The following NAALADL2 variants were observed in gnomAD, a reference collection of about 807,000 sequenced individuals.
NAALADL2 encodes the protein inactive N-acetylated-alpha-linked acidic dipeptidase-like protein 2.
NAALADL2 carries 76 observed loss-of-function variants against 87.2 expected under a neutral mutation model. That is an observed-to-expected ratio of 0.87 (90% CI 0.72 to 1.05). The LOEUF (loss-of-function observed/expected upper bound fraction) is 1.05. Ranked by LOEUF, NAALADL2 falls within the 50% of genes least tolerant of loss-of-function variation. The pLI is 0.00. For missense variants in NAALADL2, 1,089 were observed against 945.8 expected (o/e 1.15, Z -1.99); for synonymous variants, 354 against 331.0 (o/e 1.07, Z -0.75).
intron 3 of NAALADL2, among the ~76,000 whole-genome samples, chr3:175,252,249 C>G (rs555970798): frequency 1.3e-5 from 2 of 152,254 alleles, no homozygotes; most frequent in African/African-American, 2.4e-5. Flanking sequence ...TTTTTCAGCA[C>G]CTGTGCTCAG....
chr3:175,044,028 A>G (rs1247257094), intron 1 of NAALADL2, among the ~76,000 whole-genome samples: 1 of 152,026 alleles, frequency 6.6e-6, no homozygotes, highest in African/African-American at 2.4e-5. Context: ...CTTTTCATTT[A>G]TTTATGTCTT....
chr3:175,138,457 G>A (rs1171385942), intron 2 of NAALADL2, among the ~76,000 whole-genome samples: 1 of 151,978 alleles, frequency 6.6e-6, no homozygotes, highest in East Asian at 1.9e-4. Context: ...GTTTGGGGTA[G>A]TACAAGTAAT....
At chr3:174,629,441 A>G (rs1185044747) in intron 2 of NAALADL2, among the ~76,000 whole-genome samples, 1 of 152,188 alleles carries the variant, frequency 6.6e-6, no homozygotes, top group Non-Finnish European at 1.5e-5. Context: ...GTTCTATTTA[A>G]TTCTTCTCAG....
intron 1 of NAALADL2, among the ~76,000 whole-genome samples, chr3:174,471,349 A>G (rs1716890356): frequency 6.6e-6 from 1 of 152,066 alleles, no homozygotes; most frequent in South Asian, 2.1e-4. Context: ...TAAGCCTCCT[A>G]TGTCCTCATC....
At chr3:174,870,027 AAAAG>A (rs1485355533) in intron 1 of NAALADL2, among the ~76,000 whole-genome samples, 12 of 150,682 alleles carry the variant, frequency 8.0e-5, no homozygotes, top group African/African-American at 2.7e-4. Flanking sequence ...AAAAAAAAAA[AAAAG>A]GCTAATTATG....
At chr3:174,495,313 C>G (rs995431932) in intron 1 of NAALADL2, among the ~76,000 whole-genome samples, 59 of 148,128 alleles carry the variant, frequency 4.0e-4, no homozygotes, top group African/African-American at 1.4e-3. Context: ...GGAGGCAATT[C>G]TTGAGCAACA....
intron 2 of NAALADL2, among the ~76,000 whole-genome samples, chr3:175,169,623 G>A (rs900987783): frequency 6.6e-6 from 1 of 151,514 alleles, no homozygotes; most frequent in Non-Finnish European, 1.5e-5. Flanking sequence ...CCAATTCTGA[G>A]TTTTTATCCG....
At chr3:174,900,196 T>G (rs918235800) in intron 1 of NAALADL2, among the ~76,000 whole-genome samples, 4 of 152,074 alleles carry the variant, frequency 2.6e-5, no homozygotes, top group African/African-American at 4.8e-5. Context: ...CGTTAGAATT[T>G]TATAAACTAT....
intron 13 of NAALADL2, among the ~76,000 whole-genome samples, chr3:175,770,012 A>G (rs1285948932): frequency 1.3e-5 from 2 of 152,076 alleles, no homozygotes; most frequent in Non-Finnish European, 2.9e-5. Flanking sequence ...AACTGATTAG[A>G]TGAAGCCTAC....
At chr3:174,887,025 ACTCT>A (rs1730243795) in intron 1 of NAALADL2, among the ~76,000 whole-genome samples, 1 of 152,106 alleles carries the variant, frequency 6.6e-6, no homozygotes, top group Admixed American at 6.6e-5. Context: ...TCAAGCTATA[ACTCT>A]CTCTTCAATT....
chr3:175,465,641 T>C (rs1337537606), intron 7 of NAALADL2, among the ~76,000 whole-genome samples: 1 of 151,984 alleles, frequency 6.6e-6, no homozygotes, highest in Non-Finnish European at 1.5e-5. Flanking sequence ...CCCAGCTAAT[T>C]TTTGTATTTT....
chr3:174,832,464 GTGT>G, intron 3 of NAALADL2, among the ~76,000 whole-genome samples: 1 of 152,038 alleles, frequency 6.6e-6, no homozygotes, highest in South Asian at 2.1e-4. Flanking sequence ...TTGCCCTGTG[GTGT>G]TGTTGTTTTT....
At chr3:175,652,872 TG>T (rs1028792828) in intron 11 of NAALADL2, among the ~76,000 whole-genome samples, 1 of 152,138 alleles carries the variant, frequency 6.6e-6, no homozygotes, top group Non-Finnish European at 1.5e-5. Flanking sequence ...TGACTACTCA[TG>T]GGGTTGAAAA....
At chr3:175,787,196 C>G (rs1576828916) in intron 13 of NAALADL2, among the ~76,000 whole-genome samples, 1 of 152,152 alleles carries the variant, frequency 6.6e-6, no homozygotes, top group Non-Finnish European at 1.5e-5. Flanking sequence ...AGAGGTGGAG[C>G]CTACAGAGGC....
At chr3:174,894,087 C>A (rs1464106122) in intron 1 of NAALADL2, among the ~76,000 whole-genome samples, 1 of 151,930 alleles carries the variant, frequency 6.6e-6, no homozygotes, top group Non-Finnish European at 1.5e-5. Context: ...AAGACAAAAA[C>A]TATAAGAAGA....
In NAALADL2 at chr3:174,658,335, TTTG is replaced by T. The variant is rs1725179133; in HGVS notation, c.-114-79300_-114-79298del. ...TTCTAGTGATGTATAGTAGTATATC[TTTG>T]TTGTTTTAATTTGCATTTCCCTGAT... On this transcript the variant is annotated intron_variant, in intron 2 of 3. Coordinates refer to the NAALADL2 transcript ENST00000434257. 3.3e-5 allele frequency among the ~76,000 whole-genome samples: 5 copies of T among 152,262 alleles called. No individual in the cohort carries two copies. In the South Asian group the frequency reaches 1.0e-3, roughly 32 times the overall value.
At chr3:174,538,942 T>C (rs6791918) in intron 1 of NAALADL2, among the ~76,000 whole-genome samples, 20,506 of 152,120 alleles carry the variant, frequency 0.13, 1,440 homozygotes, top group Middle Eastern at 0.16. Flanking sequence ...GGAGCCTGAC[T>C]ACGTTGGGCT....
chr3:174,672,553 T>C (rs933265154), intron 2 of NAALADL2, among the ~76,000 whole-genome samples: 2 of 152,074 alleles, frequency 1.3e-5, no homozygotes, highest in Non-Finnish European at 2.9e-5. Flanking sequence ...ATGATCATGA[T>C]GATGATAATG....
intron 11 of NAALADL2, among the ~76,000 whole-genome samples, chr3:175,655,104 A>G (rs1024322269): frequency 4.6e-5 from 7 of 152,112 alleles, no homozygotes; most frequent in Non-Finnish European, 1.0e-4. Context: ...TGTAGTTATG[A>G]TTTAATAATG....
Sources: allele counts gnomAD v4.1 joint callset (sites outside exome capture counted in the v4.1 genomes callset), GRCh38; gene constraint gnomAD v4.1.1; transcripts MANE v1.5; gene names NCBI Gene and HGNC (gene_info 2026-07-23, HGNC 2026-07-21).